HOXB13: variants seen among roughly 807,000 people sequenced by gnomAD.
HOXB13 encodes homeobox protein Hox-B13.
A neutral mutation model predicts 23.1 loss-of-function variants in HOXB13; 22 were observed. The ratio of observed to expected loss-of-function variants is 0.95; its 90% CI spans 0.68 to 1.36. The LOEUF (loss-of-function observed/expected upper bound fraction) is 1.36. HOXB13 is among the 40% of genes most tolerant of loss of function. HOXB13 has a pLI of 0.00. For synonymous variants in HOXB13, 173 were observed against 157.9 expected (o/e 1.10, Z -0.72); for missense variants, 386 against 376.2 (o/e 1.03, Z -0.22).
Position 48,728,727 on chromosome 17 carries a change from A to G in HOXB13, c.-134T>C. 1.2e-6 allele frequency: 1 copy of G among 815,808 alleles called. No individual in the cohort carries two copies. Among genetic ancestry groups the G allele is most frequent in the Non-Finnish European group, 1.9e-6 (1 of 522,406 alleles). The allele number at this position is 815,808 out of a possible 1,614,324, so 50.5% of individuals were successfully genotyped here. A position where few individuals can be genotyped will look rare whatever the true frequency, so the allele number is the denominator to read the frequency against. The stretch of plus-strand genomic sequence containing the variant: ...GCTCGCAAGTCGCCTGCATTCGCTC[A>G]GCACGGCCGTCTTGACGCAAGAGAC... On this transcript the variant is annotated 5_prime_UTR_variant, in exon 1 of 2. Transcript: ENST00000290295.
Position 48,727,012 on chromosome 17 carries a change from G to A in HOXB13, c.633C>T (p.Cys211=), listed in dbSNP as rs760440566. 3 of 1,609,558 alleles carry A rather than the reference G, an allele frequency of 1.9e-6. No individual in the cohort carries two copies. The highest frequency in any genetic ancestry group is 2.5e-6 in the Non-Finnish European group (3 of 1,180,012). Residue 211 remains cysteine, a synonymous_variant, in exon 2 of 2, where the codon TGC becomes TGT. Coordinates refer to ENST00000290295, the MANE Select transcript of HOXB13 (RefSeq NM_006361.6). The part of the protein sequence containing the change: ...DSSGQHPPDA[C]AFRRGRKKRI... ...GTTTCTTGCGGCCGCGACGAAAGGC[G>A]CAGGCGTCAGGAGGGTGCTGCCCGC...
At position 48,726,636 on chromosome 17, in the gene HOXB13, T is replaced by C; in HGVS notation, c.*154A>G. ...TGCACATACTGGGTACCCAGGCCGCTCCTGAGGAACAGTCCAGCAGCCAGT... is the reference window on the plus strand; with the variant it reads ...TGCACATACTGGGTACCCAGGCCGCCCCTGAGGAACAGTCCAGCAGCCAGT... On this transcript the variant is annotated 3_prime_UTR_variant, in exon 2 of 2. Transcript: ENST00000290295. 1 of 946,188 alleles carries C rather than the reference T, an allele frequency of 1.1e-6. No individual in the cohort carries two copies. The highest frequency in any genetic ancestry group is 1.8e-5 in the South Asian group (1 of 56,540). 58.6% of individuals were successfully genotyped at this position (946,188 alleles called of 1,614,324 possible).
chr17:48,726,614 A>G lies in HOXB13; in HGVS notation c.*176T>C, dbSNP rs1454486394. On this transcript the variant is annotated 3_prime_UTR_variant, in exon 2 of 2. Transcript: ENST00000290295. The stretch of plus-strand genomic sequence containing the variant: ...GTCACATGGGGTTCCGTCTCCCTGC[A>G]CATACTGGGTACCCAGGCCGCTCCT... The G allele has an allele frequency of 4.2e-6, 3 of 719,530 alleles. No individual in the cohort carries two copies. In the Admixed American group the frequency reaches 8.8e-5, roughly 21 times the overall value. The allele number at this position is 719,530 out of a possible 1,614,324, so 44.6% of individuals were successfully genotyped here. A position where few individuals can be genotyped will look rare whatever the true frequency, so the allele number is the denominator to read the frequency against.
chr17:48,727,926 A>G, intron 1 of HOXB13, 67 bp downstream of exon 1: 1 of 1,542,152 alleles, frequency 6.5e-7, no homozygotes, highest in East Asian at 2.2e-5. Context: ...TCCTCCTCCC[A>G]GGGAAATGCC....
In HOXB13 at chr17:48,724,853, G is replaced by A; in HGVS notation, c.*1937C>T. The A allele has an allele frequency of 2.2e-6, 1 of 447,746 alleles. No homozygotes were observed. The highest frequency in any genetic ancestry group is 3.7e-6 in the Non-Finnish European group (1 of 272,958). 27.7% of individuals were successfully genotyped at this position (447,746 alleles called of 1,614,324 possible). A position where few individuals can be genotyped will look rare whatever the true frequency, so the allele number is the denominator to read the frequency against. On this transcript the variant is annotated 3_prime_UTR_variant, in exon 2 of 2. Coordinates refer to ENST00000290295, the MANE Select transcript of HOXB13 (RefSeq NM_006361.6). ...AGCAGAGTGTGGGAGTTAGAGCATG[G>A]GGAGTCCAGAGGTTCCAGACCCCCA...
intron 1 of HOXB13, 124 bp from the exon 2 acceptor site, chr17:48,727,167 G>T: frequency 8.6e-7 from 1 of 1,157,622 alleles, no homozygotes; most frequent in Non-Finnish European, 1.2e-6. Flanking sequence ...ACAGGCGCAC[G>T]TGCAATCCTG....
chr17:48,727,282 A>G (rs2038222180), intron 1 of HOXB13, among the ~76,000 whole-genome samples: 1 of 151,864 alleles, frequency 6.6e-6, no homozygotes, highest in Admixed American at 6.6e-5. Context: ...CTGCTCTCAC[A>G]CCCGCGAATC....
Position 48,726,347 on chromosome 17 carries a change from G to C in HOXB13, c.*443C>G, listed in dbSNP as rs79982443. On this transcript the variant is annotated 3_prime_UTR_variant, in exon 2 of 2. Transcript: ENST00000290295. Reference sequence around the variant, plus strand: ...CCTCAGTCTTCCTGCTGTTACCAGGGTGAGAGGTGTAATGGAAGGGGGTCT... The same window carrying C: ...CCTCAGTCTTCCTGCTGTTACCAGGCTGAGAGGTGTAATGGAAGGGGGTCT... The C allele has an allele frequency of 6.2e-6, 1 of 161,924 alleles. No homozygotes were observed. The highest frequency in any genetic ancestry group is 1.4e-5 in the Non-Finnish European group (1 of 73,698). 10.0% of individuals were successfully genotyped at this position (161,924 alleles called of 1,614,324 possible).
At position 48,726,872 on chromosome 17, in the gene HOXB13, C is replaced by A. The variant is rs367732101; in HGVS notation, c.773G>T (p.Arg258Leu). 3.7e-6 allele frequency: 6 copies of A among 1,614,156 alleles called. No individual in the cohort carries two copies. The highest frequency in any genetic ancestry group is 1.7e-5 in the Admixed American group (1 of 60,016). ...KISAATSLSE[R>L]QITIWFQNRR... is the part of the protein sequence containing the mutation. ...GTTCTGAAACCAGATGGTAATCTGG[C>A]GCTCCGAGAGGCTGGTGGCTGCCGA... Residue 258 changes from arginine to leucine, a missense_variant, in exon 2 of 2, where the codon CGC becomes CTC. Transcript: ENST00000290295.
Position 48,727,983 on chromosome 17 carries a change from A to G in HOXB13, c.601+10T>C, listed in dbSNP as rs764889581. The G allele has an allele frequency of 9.3e-6, 15 of 1,612,314 alleles. No individual in the cohort carries two copies. The South Asian group carries it at 1.5e-4, about 17-fold the overall frequency. ...CTCAGAGACAAGGGGACCCAGGGTAATAGAGGTACCTGCAAATGCTGCCTT... is the reference window on the plus strand; with the variant it reads ...CTCAGAGACAAGGGGACCCAGGGTAGTAGAGGTACCTGCAAATGCTGCCTT... On this transcript the variant is annotated intron_variant, in intron 1 of 1. Transcript: ENST00000290295.
At position 48,728,249 on chromosome 17, in the gene HOXB13, C is replaced by A. The variant is rs758798025; in HGVS notation, c.345G>T (p.Thr115=). 6.2e-7 allele frequency: 1 copy of A among 1,614,180 alleles called. No homozygotes were observed. The change falls in exon 1 of 2, where the codon ACG becomes ACT. Residue 115 remains threonine, a synonymous_variant. Transcript: ENST00000290295. ...GGCGGCTGGGGTACTCTTCCCCGGCCGTGGGAGTCTCCGCGGGGTACGCGG... is the reference window on the plus strand; with the variant it reads ...GGCGGCTGGGGTACTCTTCCCCGGCAGTGGGAGTCTCCGCGGGGTACGCGG... The part of the protein sequence containing the change: ...TLAAYPAETP[T]AGEEYPSRPT...
rs2038241798 is a variant in HOXB13, at chr17:48,728,510, G to T, written c.84C>A (p.Val28=). The T allele has an allele frequency of 6.2e-7, 1 of 1,613,366 alleles. No individual in the cohort carries two copies. Among genetic ancestry groups the T allele is most frequent in the Non-Finnish European group, 8.5e-7 (1 of 1,179,948 alleles). Residue 28 remains valine, a synonymous_variant, in exon 1 of 2, where the codon GTC becomes GTA. Coordinates refer to ENST00000290295, the MANE Select transcript of HOXB13 (RefSeq NM_006361.6). Reference sequence around the variant, plus strand: ...GGTGGCTGGTCAGAGGGGAGTGGGCGACCAGATTCCGCCCCCCTCCCGCTC... The same window carrying T: ...GGTGGCTGGTCAGAGGGGAGTGGGCTACCAGATTCCGCCCCCCTCCCGCTC... ...LLGAGGGRNL[V]AHSPLTSHPA... is the part of the protein sequence containing the mutation.
Position 48,726,752 on chromosome 17 carries a change from C to A in HOXB13, c.*38G>T. ...CAGGTTCCTGGTCTCCCCAGGACAC[C>A]CCCACTTTCGCTCCTCCCACCCAGG... On this transcript the variant is annotated 3_prime_UTR_variant, in exon 2 of 2. Transcript: ENST00000290295. 6.2e-7 allele frequency: 1 copy of A among 1,607,886 alleles called. No homozygotes were observed. Among genetic ancestry groups the A allele is most frequent in the South Asian group, 1.1e-5 (1 of 90,588 alleles).
Position 48,726,017 on chromosome 17 carries a change from T to C in HOXB13, c.*773A>G, listed in dbSNP as rs982544545. The C allele has an allele frequency of 6.6e-6, 1 of 152,192 alleles. No individual in the cohort carries two copies. The highest frequency in any genetic ancestry group is 1.5e-5 in the Non-Finnish European group (1 of 68,044). The allele number at this position is 152,192 out of a possible 1,614,324, so 9.4% of individuals were successfully genotyped here. A position where few individuals can be genotyped will look rare whatever the true frequency, so the allele number is the denominator to read the frequency against. On this transcript the variant is annotated 3_prime_UTR_variant, in exon 2 of 2. Transcript: ENST00000290295. ...CTGCTTTGGTCAGAACCACCAGAAATATTAAGGGAAGACTCAGAGAGTTTG... is the reference window on the plus strand; with the variant it reads ...CTGCTTTGGTCAGAACCACCAGAAACATTAAGGGAAGACTCAGAGAGTTTG...
Position 48,728,565 on chromosome 17 carries a change from T to C in HOXB13, c.29A>G (p.Asp10Gly), listed in dbSNP as rs2143075745. 6.2e-7 allele frequency: 1 copy of C among 1,612,626 alleles called. No homozygotes were observed. Among genetic ancestry groups the C allele is most frequent in the South Asian group, 1.1e-5 (1 of 91,032 alleles). Reference sequence around the variant, plus strand: ...CAAGCCTTCGATATCCTTGGCTCCATCCAAGGTGGCATAATTGCCGGGCTC... The same window carrying C: ...CAAGCCTTCGATATCCTTGGCTCCACCCAAGGTGGCATAATTGCCGGGCTC... MEPGNYATLDGAKDIEGLLG... is the reference protein window; with the variant it reads MEPGNYATLGGAKDIEGLLG... Residue 10 changes from aspartate to glycine, a missense_variant, in exon 1 of 2, where the codon GAT becomes GGT. Asp to Gly is a moderately conservative substitution (Grantham distance 94). Transcript: ENST00000290295.
At chr17:48,727,092 C>A in intron 1 of HOXB13, 49 bp from the exon 2 acceptor site, 1 of 1,589,392 alleles carries the variant, frequency 6.3e-7, no homozygotes. Flanking sequence ...AGATACCCAC[C>A]CATGCAGACC....
rs1183833401 is a variant in HOXB13 at position 48,727,010 on chromosome 17, G to T, written c.635C>A (p.Ala212Asp). The T allele has an allele frequency of 6.2e-7, 1 of 1,609,994 alleles. No individual in the cohort carries two copies. Among genetic ancestry groups the T allele is most frequent in the African/African-American group, 1.3e-5 (1 of 74,914 alleles). ...GCGTTTCTTGCGGCCGCGACGAAAG[G>T]CGCAGGCGTCAGGAGGGTGCTGCCC... Reference protein sequence around the residue: ...SSGQHPPDACAFRRGRKKRIP... With the variant: ...SSGQHPPDACDFRRGRKKRIP... Residue 212 changes from alanine to aspartate, a missense_variant, in exon 2 of 2, where the codon GCC (alanine) becomes GAC (aspartate). By Grantham distance (126) the Ala-to-Asp change is moderately radical. Coordinates refer to ENST00000290295, the MANE Select transcript of HOXB13 (RefSeq NM_006361.6).
At chr17:48,727,420 C>T (rs1169613543) in intron 1 of HOXB13, among the ~76,000 whole-genome samples, 1 of 151,156 alleles carries the variant, frequency 6.6e-6, no homozygotes, top group Non-Finnish European at 1.5e-5. Flanking sequence ...AAACACGTTT[C>T]TGCCCCCACT....
rs752322954 is a variant in HOXB13 at position 48,727,986 on chromosome 17, G to A, written c.601+7C>T. The stretch of plus-strand genomic sequence containing the variant: ...AGAGACAAGGGGACCCAGGGTAATA[G>A]AGGTACCTGCAAATGCTGCCTTCCA... On this transcript the variant is annotated splice_region_variant and intron_variant, in intron 1 of 1. Coordinates refer to ENST00000290295, the MANE Select transcript of HOXB13 (RefSeq NM_006361.6). 3 of 1,612,638 alleles carry A rather than the reference G, an allele frequency of 1.9e-6. No individual in the cohort carries two copies.
Sources: gnomAD v4.1 joint callset for allele counts (sites outside exome capture counted in the v4.1 genomes callset) on GRCh38, gnomAD v4.1.1 for gene constraint, MANE v1.5 for transcripts, NCBI Gene and HGNC (gene_info 2026-07-23, HGNC 2026-07-21) for gene names.